The following DPT variants were observed in gnomAD, a reference collection of about 807,000 sequenced individuals.
The protein encoded by DPT is tyrosine-rich acidic matrix protein.
A neutral mutation model predicts 31.2 loss-of-function variants in DPT; 21 were observed. The observed-to-expected ratio is 0.67, with a 90% CI of 0.48 to 0.97. The LOEUF is 0.97. Among genes scored for constraint, DPT ranks in the 50% least tolerant of loss-of-function variants. The pLI is 0.00. For synonymous variants in DPT, 91 were observed against 86.9 expected, an observed-to-expected ratio of 1.05 and a Z score of -0.26; for missense variants, 262 against 258.8, an observed-to-expected ratio of 1.01 and a Z score of -0.08.
chr1:168,700,414 G>A (rs927754318), intron 3 of DPT, among the ~76,000 whole-genome samples: 1 of 152,174 alleles, frequency 6.6e-6, no homozygotes, highest in Non-Finnish European at 1.5e-5. Context: ...CTAAGGTAAT[G>A]TGGTATAGCA....
chr1:168,717,324 CAT>C (rs1270214733), intron 1 of DPT, among the ~76,000 whole-genome samples: 1 of 152,108 alleles, frequency 6.6e-6, no homozygotes, highest in Non-Finnish European at 1.5e-5. Context: ...AGCTTTTTTT[CAT>C]ATGTTTGTTG....
In DPT at chr1:168,711,177, A is replaced by AT. The variant is rs60428485; in HGVS notation, c.431+3043dup. ...AGGTGCCTGCCACCAAGCCTGGCTAATTTTTTTTTTTTTTTGTATTTTTAG... is the reference window on the plus strand; with the variant it reads ...AGGTGCCTGCCACCAAGCCTGGCTAATTTTTTTTTTTTTTTTGTATTTTTAG... On this transcript the variant is annotated intron_variant, in intron 2 of 3. Transcript: ENST00000367817. Among the ~76,000 whole-genome samples, 140 of 146,014 alleles carry AT rather than the reference A, an allele frequency of 9.6e-4. 1 individual carries two copies. The highest frequency in any genetic ancestry group is 3.7e-3 in the Admixed American group (54 of 14,748).
chr1:168,702,612 CT>C (rs10656421), intron 2 of DPT, among the ~76,000 whole-genome samples: 562 of 132,352 alleles, frequency 4.2e-3, no homozygotes, highest in East Asian at 6.8e-3. Context: ...AGGTAAATGT[CT>C]TTTTTTTTTT....
intron 1 of DPT, among the ~76,000 whole-genome samples, chr1:168,716,921 A>G (rs549349615): frequency 6.8e-4 from 104 of 152,180 alleles, no homozygotes; most frequent in Middle Eastern, 3.2e-3. Flanking sequence ...TCCATGGTGT[A>G]TATGTACCAC....
chr1:168,702,313 T>C (rs1649617091), intron 2 of DPT, among the ~76,000 whole-genome samples: 1 of 152,244 alleles, frequency 6.6e-6, no homozygotes, highest in African/African-American at 2.4e-5. Context: ...GATTGATTTA[T>C]AAACTGTAAG....
chr1:168,700,908 G>A (rs2273170), intron 3 of DPT, 109 bp downstream of exon 3: 3 of 127,564 alleles, frequency 2.4e-5, no homozygotes, highest in Non-Finnish European at 4.0e-5. Flanking sequence ...TGTGTGTGTG[G>A]GTGTGTGTGT....
chr1:168,700,544 T>C (rs1194023850), intron 3 of DPT, among the ~76,000 whole-genome samples: 5 of 152,076 alleles, frequency 3.3e-5, no homozygotes, highest in African/African-American at 1.2e-4. Flanking sequence ...TGGAAGGGGG[T>C]CCATTTTGAC....
intron 2 of DPT, among the ~76,000 whole-genome samples, chr1:168,712,050 T>C (rs1230792198): frequency 9.2e-5 from 14 of 152,182 alleles, no homozygotes; most frequent in Admixed American, 8.5e-4. Context: ...CAATTATTAA[T>C]GTGGATATTT....
chr1:168,701,165 T>C lies in DPT; in HGVS notation c.432-41A>G, dbSNP rs368927017. ...AAAGGTTAGAGGAAAATGAAACACATTATTATTGCTGGGAGCAAACAGAAG... is the reference window on the plus strand; with the variant it reads ...AAAGGTTAGAGGAAAATGAAACACACTATTATTGCTGGGAGCAAACAGAAG... On this transcript the variant is annotated intron_variant, in intron 2 of 3. Coordinates refer to ENST00000367817, the MANE Select transcript of DPT (RefSeq NM_001937.5). 4.4e-5 allele frequency: 63 copies of C among 1,444,090 alleles called. No individual in the cohort carries two copies. In the East Asian group the frequency reaches 7.7e-4, roughly 18 times the overall value. 89.5% of individuals were successfully genotyped at this position (1,444,090 alleles called of 1,614,324 possible). A position where few individuals can be genotyped will look rare whatever the true frequency, so the allele number is the denominator to read the frequency against.
At chr1:168,724,621 T>A (rs1431375280) in intron 1 of DPT, among the ~76,000 whole-genome samples, 4 of 152,084 alleles carry the variant, frequency 2.6e-5, no homozygotes, top group Non-Finnish European at 5.9e-5. Flanking sequence ...GACAGCGAGA[T>A]GTGTGGGGAG....
At chr1:168,724,574 G>A (rs1162842157) in intron 1 of DPT, among the ~76,000 whole-genome samples, 1 of 152,180 alleles carries the variant, frequency 6.6e-6, no homozygotes, top group Non-Finnish European at 1.5e-5. Context: ...GTAGTGACAA[G>A]GGCATTGTAG....
At chr1:168,724,775 G>A (rs937791709) in intron 1 of DPT, among the ~76,000 whole-genome samples, 1 of 152,026 alleles carries the variant, frequency 6.6e-6, no homozygotes, top group African/African-American at 2.4e-5. Context: ...CATGGAAAAC[G>A]GAGTTCCCAC....
intron 1 of DPT, among the ~76,000 whole-genome samples, chr1:168,724,744 A>G (rs1210297231): frequency 1.3e-5 from 2 of 152,160 alleles, no homozygotes; most frequent in African/African-American, 4.8e-5. Flanking sequence ...GGTCTTGCTT[A>G]GATTAGGGAA....
chr1:168,712,386 T>A (rs918736440), intron 2 of DPT, among the ~76,000 whole-genome samples: 1 of 152,240 alleles, frequency 6.6e-6, no homozygotes, highest in Non-Finnish European at 1.5e-5. Flanking sequence ...CCACCCAGCA[T>A]ACCCCAGCCC....
At chr1:168,725,903 G>A (rs565796587) in intron 1 of DPT, among the ~76,000 whole-genome samples, 1 of 152,282 alleles carries the variant, frequency 6.6e-6, no homozygotes, top group South Asian at 2.1e-4. Flanking sequence ...ATCAACAACT[G>A]TTCCCTGAGA....
chr1:168,704,394 T>C (rs1649669017), intron 2 of DPT, among the ~76,000 whole-genome samples: 1 of 152,380 alleles, frequency 6.6e-6, no homozygotes, highest in Admixed American at 6.5e-5. Context: ...GTAAAGTGTT[T>C]GAATAGATTT....
chr1:168,700,996 G>C (rs754861556), intron 3 of DPT, 21 bp downstream of exon 3: 2 of 1,573,314 alleles, frequency 1.3e-6, no homozygotes. Flanking sequence ...TAGCCCATTG[G>C]GAAGGGGCTG....
chr1:168,726,728 G>T (rs1320784396), intron 1 of DPT, among the ~76,000 whole-genome samples: 1 of 152,260 alleles, frequency 6.6e-6, no homozygotes, highest in African/African-American at 2.4e-5. Context: ...GGTGAGGACT[G>T]GAGGGACAGT....
intron 2 of DPT, among the ~76,000 whole-genome samples, chr1:168,706,113 A>G (rs1021744736): frequency 2.0e-5 from 3 of 152,248 alleles, no homozygotes; most frequent in African/African-American, 7.2e-5. Context: ...ATTTAGCAAG[A>G]TAATAGAATA....
Sources: gnomAD v4.1 joint callset for allele counts (sites outside exome capture counted in the v4.1 genomes callset) on GRCh38, gnomAD v4.1.1 for gene constraint, MANE v1.5 for transcripts, NCBI Gene and HGNC (gene_info 2026-07-23, HGNC 2026-07-21) for gene names.